The following FAM120C variants were observed in gnomAD, a reference collection of about 807,000 sequenced individuals.
FAM120C encodes the protein constitutive coactivator of PPAR-gamma-like protein 2.
A neutral mutation model predicts 71.2 loss-of-function variants in FAM120C; 14 were observed. That is an observed-to-expected ratio of 0.20 (90% CI 0.13 to 0.31). The LOEUF (loss-of-function observed/expected upper bound fraction) is 0.31, where lower values mean the gene tolerates loss of function less well. Among genes scored for constraint, FAM120C ranks in the 10% least tolerant of loss-of-function variants. The pLI, the probability that FAM120C is intolerant of heterozygous loss-of-function variation, is 1.00. For synonymous variants in FAM120C, 354 were observed against 353.2 expected, an observed-to-expected ratio of 1.00 and a Z score of -0.03; for missense variants, 500 against 879.0, an observed-to-expected ratio of 0.57 and a Z score of 5.45.
At chrX:54,131,501 C>T (rs1277836036) in intron 9 of FAM120C, among the ~76,000 whole-genome samples, 1 of 108,690 alleles carries the variant, frequency 9.2e-6, no homozygotes, top group Admixed American at 9.8e-5. Context: ...TGCAATGGCA[C>T]GATCTCGGCT....
rs997186604 is a variant in FAM120C, at chrX:54,107,525, A to C, written c.2312+9020T>G. On this transcript the variant is annotated intron_variant, in intron 10 of 15. Transcript: ENST00000375180. ...AAATCTTTATCATTATTCTTTAAAA[A>C]AATTTTTTTTTTGAGACAGAGTCTT... 2.9e-4 allele frequency among the ~76,000 whole-genome samples: 31 copies of C among 108,530 alleles called. No individual in the cohort carries two copies. The Admixed American group carries it at 3.1e-3, about 11-fold the overall frequency. The allele number at this position is 108,530 out of a possible 115,157, so 94.2% of individuals were successfully genotyped here. A position where few individuals can be genotyped will look rare whatever the true frequency, so the allele number is the denominator to read the frequency against.
intron 10 of FAM120C, among the ~76,000 whole-genome samples, chrX:54,112,907 C>T (rs2066945385): frequency 2.7e-5 from 3 of 109,208 alleles, no homozygotes. Context: ...GTAATCCCAG[C>T]TACTCAGGAG....
intron 3 of FAM120C, among the ~76,000 whole-genome samples, chrX:54,153,549 A>G (rs1265330377): frequency 1.9e-5 from 2 of 107,770 alleles, no homozygotes; most frequent in Non-Finnish European, 3.8e-5. Flanking sequence ...CTAAGGTTAC[A>G]GGCACACAAC....
At chrX:54,139,239 A>G (rs2067110506) in intron 4 of FAM120C, among the ~76,000 whole-genome samples, 1 of 111,549 alleles carries the variant, frequency 9.0e-6, no homozygotes, top group Non-Finnish European at 1.9e-5. Flanking sequence ...GTGTCCCACC[A>G]TACAGCCCTA....
chrX:54,134,718 A>G (rs1227573159), intron 7 of FAM120C, 113 bp downstream of exon 7: 3 of 814,584 alleles, frequency 3.7e-6, no homozygotes, highest in African/African-American at 4.2e-5. Context: ...AGAGCAAAAC[A>G]CTACAGAGGA....
intron 3 of FAM120C, among the ~76,000 whole-genome samples, chrX:54,155,537 T>C (rs1038519587): frequency 9.0e-6 from 1 of 111,337 alleles, no homozygotes; most frequent in Non-Finnish European, 1.9e-5. Context: ...AGCAAATCAA[T>C]TGAAAAGCAA....
At chrX:54,083,818 C>T (rs1603351979) in intron 13 of FAM120C, among the ~76,000 whole-genome samples, 2 of 111,059 alleles carry the variant, frequency 1.8e-5, no homozygotes, top group African/African-American at 3.3e-5. Flanking sequence ...CGGGTTCAAG[C>T]AATTATTGTG....
chrX:54,158,407 C>G (rs148502736), intron 2 of FAM120C, among the ~76,000 whole-genome samples: 101 of 112,093 alleles, frequency 9.0e-4, no homozygotes, highest in African/African-American at 3.0e-3. Flanking sequence ...CCTTCATGCG[C>G]TAAGTACTTG....
At chrX:54,170,243 C>G (rs782339246) in intron 1 of FAM120C, among the ~76,000 whole-genome samples, 1 of 111,280 alleles carries the variant, frequency 9.0e-6, no homozygotes, top group Admixed American at 9.6e-5. Flanking sequence ...TCAAGCAATC[C>G]TCCTGCCTCA....
chrX:54,163,161 C>A (rs1243800881), intron 1 of FAM120C, among the ~76,000 whole-genome samples: 1 of 111,825 alleles, frequency 8.9e-6, no homozygotes, highest in Non-Finnish European at 1.9e-5. Context: ...CCAATGATTT[C>A]ACTCCTAAGT....
intron 14 of FAM120C, 81 bp from the exon 15 acceptor site, chrX:54,080,370 C>T: frequency 1.2e-6 from 1 of 810,359 alleles, no homozygotes; most frequent in Non-Finnish European, 1.8e-6. Context: ...TATTCGTCTC[C>T]TCTTAGAAGT....
chrX:54,161,771 A>G (rs1032903780), intron 1 of FAM120C, among the ~76,000 whole-genome samples: 1 of 112,118 alleles, frequency 8.9e-6, no homozygotes, highest in African/African-American at 3.2e-5. Flanking sequence ...AGCCGGGGCT[A>G]CGGGCGCATG....
chrX:54,170,559 C>T (rs781832513), intron 1 of FAM120C, among the ~76,000 whole-genome samples: 15 of 112,084 alleles, frequency 1.3e-4, no homozygotes, highest in Non-Finnish European at 2.4e-4. Context: ...TGTGTGTCAA[C>T]CATGGGCTGG....
chrX:54,159,703 G>A (rs184262024), intron 1 of FAM120C, 87 bp from the exon 2 acceptor site: 1 of 967,860 alleles, frequency 1.0e-6, no homozygotes, highest in Non-Finnish European at 1.4e-6. Context: ...AAATTTTATA[G>A]TTTGGTGAAA....
At chrX:54,166,412 A>C (rs2067259589) in intron 1 of FAM120C, among the ~76,000 whole-genome samples, 1 of 112,245 alleles carries the variant, frequency 8.9e-6, no homozygotes, top group Non-Finnish European at 1.9e-5. Context: ...AGCACTTGGA[A>C]CAACAATGAA....
intron 1 of FAM120C, among the ~76,000 whole-genome samples, chrX:54,165,425 A>T (rs1264161233): frequency 1.8e-5 from 2 of 111,747 alleles, no homozygotes; most frequent in Non-Finnish European, 3.8e-5. Context: ...GGGATAACTG[A>T]AGAGTCATTT....
intron 10 of FAM120C, among the ~76,000 whole-genome samples, chrX:54,100,150 A>T (rs1557123936): frequency 9.2e-6 from 1 of 108,202 alleles, no homozygotes; most frequent in Non-Finnish European, 1.9e-5. Context: ...GTTTGAGACC[A>T]GCCTAGGCAA....
At chrX:54,126,946 G>A (rs1445973448) in intron 9 of FAM120C, among the ~76,000 whole-genome samples, 1 of 112,549 alleles carries the variant, frequency 8.9e-6, no homozygotes, top group African/African-American at 3.2e-5. Context: ...AACAGAAATT[G>A]ATTTCTTACA....
chrX:54,088,502 G>A (rs2066806134), intron 11 of FAM120C, among the ~76,000 whole-genome samples: 2 of 95,533 alleles, frequency 2.1e-5, no homozygotes, highest in South Asian at 5.7e-4. Context: ...TGAGGTGGGA[G>A]CATCATTTGA....
Sources: allele counts gnomAD v4.1 joint callset (sites outside exome capture counted in the v4.1 genomes callset), GRCh38; gene constraint gnomAD v4.1.1; transcripts MANE v1.5; gene names NCBI Gene and HGNC (gene_info 2026-07-23, HGNC 2026-07-21).